Variants in ROCK2 observed in about 807,000 individuals in gnomAD.
ROCK2 encodes rho-associated protein kinase 2.
Under a neutral mutation model 195.1 loss-of-function variants are expected in ROCK2, and 61 were observed. That is an observed-to-expected ratio of 0.31 (90% confidence interval 0.25 to 0.39). The LOEUF (loss-of-function observed/expected upper bound fraction) is 0.39. ROCK2 is among the 10% of genes least tolerant of loss of function. The pLI is 1.00. For synonymous variants in ROCK2, 504 were observed against 545.5 expected (o/e 0.92, Z 1.06); for missense variants, 1,109 against 1,637.4 (o/e 0.68, Z 5.57).
chr2:11,327,062 G>A (rs1158258589), intron 1 of ROCK2, among the ~76,000 whole-genome samples: 1 of 152,116 alleles, frequency 6.6e-6, no homozygotes, highest in Non-Finnish European at 1.5e-5. Context: ...CACTAATCTG[G>A]GTAATTGTGT....
At chr2:11,188,834 C>A (rs533235734) in intron 32 of ROCK2, among the ~76,000 whole-genome samples, 1 of 151,806 alleles carries the variant, frequency 6.6e-6, no homozygotes, top group South Asian at 2.1e-4. Context: ...CTGTGTTAGC[C>A]AGGATGGTCT....
chr2:11,317,345 G>A (rs1668226346), intron 1 of ROCK2, among the ~76,000 whole-genome samples: 2 of 151,522 alleles, frequency 1.3e-5, no homozygotes, highest in African/African-American at 4.8e-5. Flanking sequence ...AAAAAAGTAT[G>A]TGATTTGGAA....
intron 20 of ROCK2, among the ~76,000 whole-genome samples, chr2:11,205,444 C>T (rs1370532835): frequency 6.6e-6 from 1 of 152,148 alleles, no homozygotes; most frequent in Non-Finnish European, 1.5e-5. Context: ...TGCCCTCCAA[C>T]CCATTCTCAT....
chr2:11,328,352 T>C (rs975898276), intron 1 of ROCK2, among the ~76,000 whole-genome samples: 3 of 152,198 alleles, frequency 2.0e-5, no homozygotes, highest in Admixed American at 1.3e-4. Flanking sequence ...TGTATGCACA[T>C]ACATTGAGAG....
chr2:11,206,006 G>A (rs913458905), intron 20 of ROCK2, among the ~76,000 whole-genome samples: 9 of 152,076 alleles, frequency 5.9e-5, no homozygotes, highest in Admixed American at 5.9e-4. Context: ...CTACTTGGGA[G>A]GCTGAGGCAG....
At chr2:11,223,256 T>C (rs1664697691) in intron 7 of ROCK2, among the ~76,000 whole-genome samples, 1 of 152,122 alleles carries the variant, frequency 6.6e-6, no homozygotes, top group Admixed American at 6.6e-5. Flanking sequence ...GACTGACAAA[T>C]AAAAATAATT....
At chr2:11,343,869 C>T (rs1035642062) in intron 1 of ROCK2, 127 bp downstream of exon 1, 8 of 1,238,810 alleles carry the variant, frequency 6.5e-6, no homozygotes, top group Admixed American at 3.1e-5. Flanking sequence ...GCCCCGGCTG[C>T]CGGAAGCAGG....
chr2:11,336,033 T>G (rs979164757), intron 1 of ROCK2, among the ~76,000 whole-genome samples: 1 of 152,126 alleles, frequency 6.6e-6, no homozygotes, highest in Non-Finnish European at 1.5e-5. Flanking sequence ...AACCAAAATG[T>G]TAATTTAAAC....
intron 3 of ROCK2, among the ~76,000 whole-genome samples, chr2:11,275,403 T>C (rs949397409): frequency 2.6e-5 from 4 of 152,210 alleles, no homozygotes; most frequent in South Asian, 2.1e-4. Flanking sequence ...ACTGAAATTG[T>C]AGAAAGCAAA....
chr2:11,280,466 A>G (rs991902511), intron 3 of ROCK2, among the ~76,000 whole-genome samples: 3 of 151,724 alleles, frequency 2.0e-5, no homozygotes, highest in African/African-American at 4.8e-5. Context: ...TCTACAGAAA[A>G]AAAAAAAAAA....
intron 7 of ROCK2, among the ~76,000 whole-genome samples, 166 bp from the exon 8 acceptor site, chr2:11,222,340 T>C (rs929033756): frequency 2.0e-5 from 3 of 152,154 alleles, no homozygotes; most frequent in African/African-American, 7.2e-5. Context: ...CAAGTTACAG[T>C]ATGTGATCTC....
intron 3 of ROCK2, among the ~76,000 whole-genome samples, chr2:11,271,345 G>T (rs1354730816): frequency 6.6e-6 from 1 of 152,126 alleles, no homozygotes; most frequent in African/African-American, 2.4e-5. Context: ...TGGGTCCCCT[G>T]CAAGTTTTTA....
chr2:11,209,703 T>C (rs930339159), intron 18 of ROCK2, among the ~76,000 whole-genome samples: 1 of 152,208 alleles, frequency 6.6e-6, no homozygotes, highest in African/African-American at 2.4e-5. Flanking sequence ...AGTACTTCAG[T>C]TCACATTCAA....
intron 23 of ROCK2, 90 bp from the exon 24 acceptor site, chr2:11,198,864 T>G (rs1663739578): frequency 1.3e-6 from 1 of 782,608 alleles, no homozygotes; most frequent in African/African-American, 1.8e-5. Flanking sequence ...CCTAGAATAT[T>G]GTTAAACCTC....
chr2:11,197,675 G>A lies in ROCK2; in HGVS notation c.3130C>T (p.Arg1044Ter), dbSNP rs1383664600. 1 of 1,592,790 alleles carries A rather than the reference G, an allele frequency of 6.3e-7. No homozygotes were observed. Reference protein sequence around the residue: ...AVNKLAEIMNRKEPVKRGNDT... With the variant: ...AVNKLAEIMN ...TTACCACGCTTGACAGGTTCTTTTC[G>A]ATTCATGATCTCAGCCAACTTATTC... The change falls in exon 26 of 33, where the codon CGA becomes TGA. Residue 1044 changes from arginine to a stop codon, truncating the protein, a stop_gained. Transcript: ENST00000315872. LOFTEE classifies it high-confidence loss of function. The surrounding 1 kb of genome is among the most constrained non-coding windows in gnomAD (Gnocchi z 4.9).
intron 18 of ROCK2, among the ~76,000 whole-genome samples, chr2:11,210,807 T>C (rs1282413032): frequency 6.6e-6 from 1 of 152,216 alleles, no homozygotes; most frequent in Non-Finnish European, 1.5e-5. Flanking sequence ...CTTTCTCCCT[T>C]ACAATTAGAT....
chr2:11,200,072 C>T (rs2011812), intron 23 of ROCK2, among the ~76,000 whole-genome samples: 69,678 of 151,980 alleles, frequency 0.46, 17,345 homozygotes, highest in Admixed American at 0.55. Flanking sequence ...TAGGCTTTTC[C>T]TGAACAATAG....
intron 1 of ROCK2, among the ~76,000 whole-genome samples, chr2:11,330,775 GAGGGAA>G: frequency 1.2e-5 from 1 of 82,296 alleles, no homozygotes. Flanking sequence ...GAGGAGGAGG[GAGGGAA>G]GAGGAGGAGA....
intron 3 of ROCK2, among the ~76,000 whole-genome samples, chr2:11,275,062 G>C (rs2148173217): frequency 6.6e-6 from 1 of 152,240 alleles, no homozygotes; most frequent in Non-Finnish European, 1.5e-5. Flanking sequence ...GTCGAGACCA[G>C]CCTGGCCAAC....
Sources: gnomAD v4.1 joint callset for allele counts (sites outside exome capture counted in the v4.1 genomes callset) on GRCh38, gnomAD v4.1.1 for gene constraint, Gnocchi (gnomAD v3.1) non-coding constraint, MANE v1.5 for transcripts, NCBI Gene and HGNC (gene_info 2026-07-23, HGNC 2026-07-21) for gene names.